Variants in PRKN observed in about 807,000 individuals in gnomAD.
The protein encoded by PRKN is E3 ubiquitin-protein ligase parkin.
A neutral mutation model predicts 59.5 loss-of-function variants in PRKN; 56 were observed. That is an observed-to-expected ratio of 0.94 (90% CI 0.76 to 1.18). The LOEUF (loss-of-function observed/expected upper bound fraction) is 1.18. Ranked by LOEUF, PRKN falls within the 50% of genes most tolerant of loss-of-function variation. The probability of loss-of-function intolerance (pLI) is 0.00; values close to 1 mark genes in which losing one functional copy is unlikely to be tolerated. For missense variants in PRKN, 657 were observed against 596.4 expected, an observed-to-expected ratio of 1.10 and a Z score of -1.06; for synonymous variants, 250 against 222.1, an observed-to-expected ratio of 1.13 and a Z score of -1.12.
intron 4 of PRKN, among the ~76,000 whole-genome samples, chr6:162,073,563 C>T (rs1778677444): frequency 1.3e-5 from 2 of 152,100 alleles, no homozygotes; most frequent in Non-Finnish European, 2.9e-5. Flanking sequence ...GCGATCCTCC[C>T]ACCTCAGCCC....
rs181078916 is a variant in PRKN at position 162,105,463 on chromosome 6, G to A, written c.535-51289C>T. On this transcript the variant is annotated intron_variant, in intron 4 of 11. Transcript: ENST00000366898. ...ATTACCCAGCCTAGAGTGCAATGGC[G>A]CGATTTCGGCTCACTGCAACCTCCA... 8.1e-4 allele frequency among the ~76,000 whole-genome samples: 123 copies of A among 152,250 alleles called. 1 individual carries two copies. Among genetic ancestry groups the A allele is most frequent in the African/African-American group, 2.5e-3 (104 of 41,556 alleles).
intron 6 of PRKN, among the ~76,000 whole-genome samples, chr6:161,936,878 C>T (rs1165642066): frequency 2.0e-5 from 3 of 151,772 alleles, no homozygotes; most frequent in African/African-American, 4.8e-5. Context: ...CTCCACCTCC[C>T]GGGTGCAACT....
In PRKN at chr6:162,019,934, G is replaced by A. The variant is rs575213743; in HGVS notation, c.618+34157C>T. On this transcript the variant is annotated intron_variant, in intron 5 of 11. Transcript: ENST00000366898. ...CTCAGGAGGCTGGGGCAGGAGAATT[G>A]CTTGAAACTGGAAGGCAGAGATTTC... 2.6e-5 allele frequency among the ~76,000 whole-genome samples: 4 copies of A among 152,102 alleles called. No homozygotes were observed. The East Asian group carries it at 5.8e-4, about 22-fold the overall frequency.
At chr6:161,874,999 ATATAT>A (rs1484550272) in intron 6 of PRKN, among the ~76,000 whole-genome samples, 4 of 92,840 alleles carry the variant, frequency 4.3e-5, no homozygotes, top group East Asian at 6.3e-4. Context: ...TTTATATATA[ATATAT>A]TATATATTAT....
chr6:161,479,950 A>G (rs544084599), intron 9 of PRKN, among the ~76,000 whole-genome samples: 1 of 152,316 alleles, frequency 6.6e-6, no homozygotes, highest in Admixed American at 6.5e-5. Flanking sequence ...AGCACCAGTG[A>G]CAAGTGTCAT....
rs752296440 is a variant in PRKN at position 161,533,596 on chromosome 6, C to T, written c.1083+15258G>A. ...AGGGTGGGGCGACCAGCCTTCTTCG[C>T]GTGCTAAGTAAACGTCACACCTGGT... On this transcript the variant is annotated intron_variant, in intron 9 of 11. Transcript: ENST00000366898. The surrounding 1 kb of genome is among the most constrained non-coding windows in gnomAD (Gnocchi z 4.1). 2.0e-5 allele frequency among the ~76,000 whole-genome samples: 3 copies of T among 152,252 alleles called. No individual in the cohort carries two copies. The highest frequency in any genetic ancestry group is 1.9e-4 in the East Asian group (1 of 5,182).
intron 5 of PRKN, among the ~76,000 whole-genome samples, chr6:161,998,512 T>C (rs564277553): frequency 3.3e-5 from 5 of 152,208 alleles, no homozygotes; most frequent in Admixed American, 2.6e-4. Flanking sequence ...ATAAAATGAG[T>C]GTAACCTCAG....
At chr6:162,286,731 A>G (rs1335683321) in intron 2 of PRKN, among the ~76,000 whole-genome samples, 4 of 152,174 alleles carry the variant, frequency 2.6e-5, no homozygotes, top group Non-Finnish European at 5.9e-5. Context: ...TTTCTTTTTC[A>G]TTTTTAAAAT....
chr6:161,536,049 C>T lies in PRKN; in HGVS notation c.1083+12805G>A, dbSNP rs373284572. 1.3e-4 allele frequency among the ~76,000 whole-genome samples: 19 copies of T among 151,886 alleles called. No homozygotes were observed. The East Asian group carries it at 1.6e-3, about 12-fold the overall frequency. Reference sequence around the variant, plus strand: ...GAGGTGATTTTGTTTGCTACTAAAACGCTCTCATCAAATACTTCTTTTTTT... The same window carrying T: ...GAGGTGATTTTGTTTGCTACTAAAATGCTCTCATCAAATACTTCTTTTTTT... On this transcript the variant is annotated intron_variant, in intron 9 of 11. Transcript: ENST00000366898.
intron 6 of PRKN, among the ~76,000 whole-genome samples, chr6:161,941,035 A>G (rs978626756): frequency 2.0e-5 from 3 of 152,246 alleles, no homozygotes; most frequent in African/African-American, 7.2e-5. Context: ...AGGGAATGGC[A>G]TGGTCGCTTT....
In PRKN at chr6:161,562,830, T is replaced by C. The variant is rs1295890825; in HGVS notation, c.933+6525A>G. On this transcript the variant is annotated intron_variant, in intron 8 of 11. Transcript: ENST00000366898. The surrounding 1 kb of genome is among the most constrained non-coding windows in gnomAD (Gnocchi z 4.3). ...ACTGTCTTAATCCAGAGCCTCTCCA[T>C]ATTGCAACAAGATTGACATACTCAA... 1.3e-5 allele frequency among the ~76,000 whole-genome samples: 2 copies of C among 152,232 alleles called. No individual in the cohort carries two copies. Among genetic ancestry groups the C allele is most frequent in the African/African-American group, 4.8e-5 (2 of 41,468 alleles).
chr6:162,490,320 A>G (rs1453920413), intron 1 of PRKN, among the ~76,000 whole-genome samples: 1 of 152,220 alleles, frequency 6.6e-6, no homozygotes, highest in Non-Finnish European at 1.5e-5. Flanking sequence ...AACCACCAGG[A>G]AAAGAAAGAA....
intron 2 of PRKN, among the ~76,000 whole-genome samples, chr6:162,417,071 C>T (rs181356988): frequency 6.6e-5 from 10 of 152,160 alleles, no homozygotes; most frequent in Middle Eastern, 6.8e-3. Context: ...TAAACAGATG[C>T]GGGCTGTGAA....
At chr6:161,430,454 G>A (rs1356643440) in intron 9 of PRKN, among the ~76,000 whole-genome samples, 1 of 152,174 alleles carries the variant, frequency 6.6e-6, no homozygotes, top group Admixed American at 6.5e-5. Flanking sequence ...TCTCTCTTGG[G>A]ATTGTCAGTA....
intron 7 of PRKN, among the ~76,000 whole-genome samples, chr6:161,752,538 TAAC>T (rs1444169557): frequency 1.3e-5 from 2 of 151,800 alleles, no homozygotes; most frequent in African/African-American, 4.8e-5. Flanking sequence ...CATAAAAATA[TAAC>T]AATTAGCTGG....
intron 1 of PRKN, among the ~76,000 whole-genome samples, chr6:162,594,964 G>T (rs559441087): frequency 4.3e-4 from 65 of 152,174 alleles, no homozygotes; most frequent in Non-Finnish European, 6.8e-4. Context: ...CACGAGGTCA[G>T]GAGATCAAGA....
chr6:162,689,367 G>GAA (rs144904698), intron 1 of PRKN, among the ~76,000 whole-genome samples: 7 of 148,408 alleles, frequency 4.7e-5, no homozygotes, highest in African/African-American at 1.7e-4. Flanking sequence ...ACTACTATAG[G>GAA]AAAAAAAAAA....
At chr6:161,712,410 T>G (rs117964711) in intron 7 of PRKN, among the ~76,000 whole-genome samples, 3,252 of 152,286 alleles carry the variant, frequency 0.021, 42 homozygotes, top group Non-Finnish European at 0.033. Context: ...TCTTAGCTCT[T>G]AATACTCCTC....
At chr6:162,104,466 G>C (rs1780105200) in intron 4 of PRKN, among the ~76,000 whole-genome samples, 1 of 152,146 alleles carries the variant, frequency 6.6e-6, no homozygotes, top group African/African-American at 2.4e-5. Context: ...AAAAAGAAAT[G>C]CCAAGATGCA....
Sources: allele counts gnomAD v4.1 joint callset (sites outside exome capture counted in the v4.1 genomes callset), GRCh38; gene constraint gnomAD v4.1.1; non-coding constraint Gnocchi (gnomAD v3.1); transcripts MANE v1.5; gene names NCBI Gene and HGNC (gene_info 2026-07-23, HGNC 2026-07-21).